RALYL: variants seen among roughly 807,000 people sequenced by gnomAD.
RALYL encodes the protein RNA-binding Raly-like protein.
A neutral mutation model predicts 35.1 loss-of-function variants in RALYL; 29 were observed. That is an observed-to-expected ratio of 0.83 (90% confidence interval 0.61 to 1.13). The LOEUF (loss-of-function observed/expected upper bound fraction) is 1.13, where lower values mean the gene tolerates loss of function less well. RALYL is among the 50% of genes most tolerant of loss of function. RALYL has a pLI of 0.00. For missense variants in RALYL, 359 were observed against 360.4 expected (o/e 1.00, Z 0.03); for synonymous variants, 120 against 127.6 (o/e 0.94, Z 0.40).
At chr8:84,363,353 G>C (rs1428509790) in intron 1 of RALYL, among the ~76,000 whole-genome samples, 2 of 152,164 alleles carry the variant, frequency 1.3e-5, no homozygotes, top group Non-Finnish European at 2.9e-5. Context: ...TGGGGAAAAG[G>C]GGAGTTTGGA....
chr8:84,547,447 G>A (rs1354881890), intron 2 of RALYL, among the ~76,000 whole-genome samples: 1 of 151,852 alleles, frequency 6.6e-6, no homozygotes, highest in Non-Finnish European at 1.5e-5. Flanking sequence ...TGCGATCTCA[G>A]CTCACTGCAA....
intron 1 of RALYL, among the ~76,000 whole-genome samples, chr8:84,464,434 T>A (rs1340973763): frequency 6.6e-6 from 1 of 151,306 alleles, no homozygotes; most frequent in Admixed American, 6.6e-5. Context: ...GAATGATGAT[T>A]TCCAATTTCA....
At chr8:84,299,124 ATTG>A (rs1201836816) in intron 1 of RALYL, among the ~76,000 whole-genome samples, 1 of 151,758 alleles carries the variant, frequency 6.6e-6, no homozygotes, top group Non-Finnish European at 1.5e-5. Context: ...GCATTCCTGT[ATTG>A]TTGTGATTCT....
At chr8:84,654,186 G>A (rs1829434260) in intron 2 of RALYL, among the ~76,000 whole-genome samples, 1 of 139,796 alleles carries the variant, frequency 7.2e-6, no homozygotes, top group Non-Finnish European at 1.5e-5. Context: ...TAACACAAAA[G>A]AAGCCACCAT....
chr8:84,443,135 AG>A (rs1563939934), intron 1 of RALYL, among the ~76,000 whole-genome samples: 1 of 152,160 alleles, frequency 6.6e-6, no homozygotes, highest in Non-Finnish European at 1.5e-5. Context: ...CAATTTTATT[AG>A]GTGAGTGTTA....
chr8:84,603,665 G>T (rs532859564), intron 2 of RALYL, among the ~76,000 whole-genome samples: 11 of 152,130 alleles, frequency 7.2e-5, no homozygotes, highest in African/African-American at 2.2e-4. Context: ...ATGACTCCCT[G>T]CCTGGCTGGC....
chr8:84,478,889 A>G (rs2053715005), intron 1 of RALYL, among the ~76,000 whole-genome samples: 1 of 144,452 alleles, frequency 6.9e-6, no homozygotes, highest in African/African-American at 2.5e-5. Context: ...GATCGAGACT[A>G]TCCTGGCTAA....
Position 84,845,349 on chromosome 8 carries a change from TG to T in RALYL, c.366-4630del, listed in dbSNP as rs533958902. ...TTTTCTTTGCATCCTCTACATCTGTTGTTTTTTTATTTTTTAACAAAAGCCA... is the reference window on the plus strand; with the variant it reads ...TTTTCTTTGCATCCTCTACATCTGTTTTTTTTTATTTTTTAACAAAAGCCA... On this transcript the variant is annotated intron_variant, in intron 4 of 8. Coordinates refer to ENST00000521268, the MANE Select transcript of RALYL (RefSeq NM_173848.7). Among the ~76,000 whole-genome samples the T allele has an allele frequency of 8.1e-3, 1,228 of 152,302 alleles. 5 individuals carry two copies. The highest frequency in any genetic ancestry group is 0.011 in the Non-Finnish European group (780 of 68,020).
intron 2 of RALYL, among the ~76,000 whole-genome samples, chr8:84,646,898 C>T (rs1827618727): frequency 6.6e-6 from 1 of 152,068 alleles, no homozygotes; most frequent in Non-Finnish European, 1.5e-5. Flanking sequence ...TGAACTTTCT[C>T]ACTTTGATGA....
chr8:84,396,728 A>G (rs1861824526), intron 1 of RALYL, among the ~76,000 whole-genome samples: 2 of 152,158 alleles, frequency 1.3e-5, no homozygotes, highest in African/African-American at 2.4e-5. Flanking sequence ...ATAAATTGTT[A>G]AAGTTTTTCA....
chr8:84,699,738 T>A (rs1000329773), intron 2 of RALYL, among the ~76,000 whole-genome samples: 1 of 152,130 alleles, frequency 6.6e-6, no homozygotes, highest in Non-Finnish European at 1.5e-5. Flanking sequence ...AACTATATAA[T>A]CACTTCCATA....
intron 2 of RALYL, among the ~76,000 whole-genome samples, chr8:84,690,739 A>G (rs753795338): frequency 1.3e-5 from 2 of 152,122 alleles, no homozygotes; most frequent in East Asian, 1.9e-4. Context: ...TCTCACATGC[A>G]TATAACATAG....
intron 1 of RALYL, among the ~76,000 whole-genome samples, chr8:84,506,864 A>G (rs2057212754): frequency 6.6e-6 from 1 of 152,012 alleles, no homozygotes. Flanking sequence ...CAGATAACAG[A>G]TATTTTGCTC....
intron 1 of RALYL, among the ~76,000 whole-genome samples, chr8:84,264,298 A>G (rs2131848256): frequency 6.6e-6 from 1 of 152,210 alleles, no homozygotes; most frequent in South Asian, 2.1e-4. Flanking sequence ...CTTTTTAATA[A>G]TGGCCATTCT....
At chr8:84,750,064 C>A (rs1809580055) in intron 2 of RALYL, among the ~76,000 whole-genome samples, 1 of 152,132 alleles carries the variant, frequency 6.6e-6, no homozygotes, top group Non-Finnish European at 1.5e-5. Flanking sequence ...CAGGATGCTG[C>A]ACTCTCAGCA....
intron 1 of RALYL, among the ~76,000 whole-genome samples, chr8:84,387,131 T>G (rs911659231): frequency 6.6e-6 from 1 of 151,872 alleles, no homozygotes; most frequent in Non-Finnish European, 1.5e-5. Flanking sequence ...AGGTAATGTA[T>G]GTAAGTAACG....
intron 2 of RALYL, among the ~76,000 whole-genome samples, chr8:84,571,647 T>C (rs1431734245): frequency 2.0e-5 from 3 of 151,780 alleles, no homozygotes; most frequent in Non-Finnish European, 1.5e-5. Context: ...TATTTTCTTA[T>C]GCTTGCTTTG....
At chr8:84,197,386 C>T (rs1401883111) in intron 1 of RALYL, among the ~76,000 whole-genome samples, 1 of 152,094 alleles carries the variant, frequency 6.6e-6, no homozygotes, top group Non-Finnish European at 1.5e-5. Context: ...GACATGTTTA[C>T]CCATTTTTAG....
At chr8:84,350,546 A>G (rs926898732) in intron 1 of RALYL, among the ~76,000 whole-genome samples, 1 of 150,296 alleles carries the variant, frequency 6.7e-6, no homozygotes, top group Non-Finnish European at 1.5e-5. Context: ...GTAAGAAAAT[A>G]AGCAACTAAG....
Sources: gnomAD v4.1 joint callset for allele counts (sites outside exome capture counted in the v4.1 genomes callset) on GRCh38, gnomAD v4.1.1 for gene constraint, MANE v1.5 for transcripts, NCBI Gene and HGNC (gene_info 2026-07-23, HGNC 2026-07-21) for gene names.